ADAMTS14: variants seen among roughly 807,000 people sequenced by gnomAD.
The protein encoded by ADAMTS14 is ADAM metallopeptidase with thrombospondin type 1 motif 14.
ADAMTS14 carries 100 observed loss-of-function variants against 128.6 expected under a neutral mutation model. The ratio of observed to expected loss-of-function variants is 0.78; its 90% CI spans 0.66 to 0.92. ADAMTS14 has a LOEUF of 0.92. ADAMTS14 is among the 40% of genes least tolerant of loss of function. The pLI is 0.00. For synonymous variants in ADAMTS14, 665 were observed against 653.8 expected, an observed-to-expected ratio of 1.02 and a Z score of -0.26; for missense variants, 1,562 against 1,658.6, an observed-to-expected ratio of 0.94 and a Z score of 1.01.
At chr10:70,697,462 G>T (rs1244799132) in intron 2 of ADAMTS14, among the ~76,000 whole-genome samples, 1 of 152,242 alleles carries the variant, frequency 6.6e-6, no homozygotes, top group Non-Finnish European at 1.5e-5. Context: ...GATCTCTTCT[G>T]TGCTCCTCTT....
chr10:70,757,344 C>T (rs1842500650), intron 19 of ADAMTS14, among the ~76,000 whole-genome samples: 1 of 152,128 alleles, frequency 6.6e-6, no homozygotes, highest in Non-Finnish European at 1.5e-5. Flanking sequence ...CTTCTGCAGG[C>T]CCATGTTTGG....
chr10:70,696,904 G>A (rs1379926936), intron 2 of ADAMTS14, among the ~76,000 whole-genome samples: 1 of 152,150 alleles, frequency 6.6e-6, no homozygotes, highest in Admixed American at 6.5e-5. Flanking sequence ...GGAATCTGGT[G>A]GAAGCCATTT....
At chr10:70,686,207 A>T (rs1839945332) in intron 2 of ADAMTS14, among the ~76,000 whole-genome samples, 1 of 151,040 alleles carries the variant, frequency 6.6e-6, no homozygotes, top group East Asian at 1.9e-4. Context: ...ATCGTTTGTT[A>T]GGACCAAGTT....
chr10:70,737,248 A>C (rs1026665910), intron 10 of ADAMTS14, among the ~76,000 whole-genome samples: 3 of 151,630 alleles, frequency 2.0e-5, no homozygotes, highest in Admixed American at 2.0e-4. Flanking sequence ...CCCCACACCA[A>C]CCTCCTTCAT....
intron 2 of ADAMTS14, among the ~76,000 whole-genome samples, chr10:70,689,141 A>C (rs977474489): frequency 7.0e-6 from 1 of 141,974 alleles, no homozygotes; most frequent in East Asian, 2.0e-4. Flanking sequence ...TGTCACTTCA[A>C]AATTCATAGT....
At position 70,749,803 on chromosome 10, in the gene ADAMTS14, C is replaced by T. The variant is rs756267465; in HGVS notation, c.2264-19C>T. 9 of 1,611,852 alleles carry T rather than the reference C, an allele frequency of 5.6e-6. No individual in the cohort carries two copies. The highest frequency in any genetic ancestry group is 7.6e-6 in the Non-Finnish European group (9 of 1,178,748). ...GAGAGGAGCAGAAATCTGTGTGACC[C>T]TCTCCCCCCACCGGTCAGTGGTGAA... On this transcript the variant is annotated intron_variant, in intron 15 of 21. Transcript: ENST00000373207.
intron 2 of ADAMTS14, among the ~76,000 whole-genome samples, chr10:70,689,388 C>A (rs1840116826): frequency 6.9e-6 from 1 of 144,926 alleles, no homozygotes; most frequent in Non-Finnish European, 1.6e-5. Context: ...AGGGATAGAG[C>A]ACCTGCCAAG....
rs1044378936 is a variant in ADAMTS14, at chr10:70,672,508, T to C, written c.-295T>C. Among the ~76,000 whole-genome samples the C allele has an allele frequency of 6.7e-6, 1 of 149,676 alleles. No homozygotes were observed. The highest frequency in any genetic ancestry group is 2.4e-5 in the African/African-American group (1 of 41,116). On this transcript the variant is annotated 5_prime_UTR_variant, in exon 1 of 22. Coordinates refer to ENST00000373207, the MANE Select transcript of ADAMTS14 (RefSeq NM_080722.4). The stretch of plus-strand genomic sequence containing the variant: ...CTCCCGCGGAGTCCCGGAGCGTCAC[T>C]GCGCGGGCGGGCTGACCGACCAGCC...
chr10:70,675,113 T>C, intron 2 of ADAMTS14, 118 bp downstream of exon 2: 6 of 1,277,000 alleles, frequency 4.7e-6, no homozygotes, highest in Non-Finnish European at 6.5e-6. Flanking sequence ...TGGTGCTGCC[T>C]TCCAGAGGGA....
chr10:70,697,108 T>C (rs1840352080), intron 2 of ADAMTS14, among the ~76,000 whole-genome samples: 1 of 152,188 alleles, frequency 6.6e-6, no homozygotes, highest in Admixed American at 6.5e-5. Context: ...TGCACTCTCC[T>C]TGGGAGGTGA....
At chr10:70,698,779 T>A (rs1304849206) in intron 2 of ADAMTS14, among the ~76,000 whole-genome samples, 2 of 152,192 alleles carry the variant, frequency 1.3e-5, no homozygotes, top group Admixed American at 1.3e-4. Context: ...AACAGTTTAC[T>A]GGGATGGGGA....
In ADAMTS14 at chr10:70,741,181, C is replaced by A. The variant is rs1554822049; in HGVS notation, c.1924+19C>A. 1.9e-6 allele frequency: 3 copies of A among 1,609,680 alleles called. No homozygotes were observed. The highest frequency in any genetic ancestry group is 3.3e-5 in the Admixed American group (2 of 59,928). ...GACGATGGTGAGTGGGCCCCACCCCCCTCCCACTCCATGTCCTTAGGCATC... is the reference window on the plus strand; with the variant it reads ...GACGATGGTGAGTGGGCCCCACCCCACTCCCACTCCATGTCCTTAGGCATC... On this transcript the variant is annotated intron_variant, in intron 12 of 21. Coordinates refer to ENST00000373207, the MANE Select transcript of ADAMTS14 (RefSeq NM_080722.4).
chr10:70,731,719 G>T (rs1589310999), intron 6 of ADAMTS14, among the ~76,000 whole-genome samples: 1 of 151,916 alleles, frequency 6.6e-6, no homozygotes, highest in Non-Finnish European at 1.5e-5. Context: ...CAGCTCCCCC[G>T]CTGCACCCTG....
At position 70,747,918 on chromosome 10, in the gene ADAMTS14, C is replaced by A. The variant is rs147448530; in HGVS notation, c.2264-1904C>A. Among the ~76,000 whole-genome samples, 503 of 151,954 alleles carry A rather than the reference C, an allele frequency of 3.3e-3. 2 individuals carry two copies. The highest frequency in any genetic ancestry group is 0.012 in the African/African-American group (482 of 41,440). On this transcript the variant is annotated intron_variant, in intron 15 of 21. Transcript: ENST00000373207. ...CATGCACGTGTAGGGGTGTGTGTAC[C>A]CAACAGGATATGTAGAGGCCCAGGA...
At chr10:70,734,059 AG>A in intron 8 of ADAMTS14, 31 bp downstream of exon 8, 1 of 1,599,584 alleles carries the variant, frequency 6.3e-7, no homozygotes, top group Non-Finnish European at 8.5e-7. Context: ...GAGCTGGGAT[AG>A]GGGAGCATGC....
chr10:70,683,466 C>T (rs1008180005), intron 2 of ADAMTS14, among the ~76,000 whole-genome samples: 2 of 152,164 alleles, frequency 1.3e-5, no homozygotes, highest in Non-Finnish European at 1.5e-5. Context: ...GTCACTGCTT[C>T]GTGATTGGGG....
At chr10:70,740,863 T>G in intron 11 of ADAMTS14, 124 bp from the exon 12 acceptor site, 2 of 993,964 alleles carry the variant, frequency 2.0e-6, no homozygotes, top group South Asian at 3.2e-5. Flanking sequence ...CTGGTTTATG[T>G]CAGTGGAGGC....
chr10:70,751,723 G>A (rs990216568), intron 17 of ADAMTS14, 77 bp downstream of exon 17: 8 of 1,531,404 alleles, frequency 5.2e-6, no homozygotes, highest in South Asian at 2.3e-5. Flanking sequence ...GGGGACTGAT[G>A]TTGTCTCCAT....
At position 70,744,109 on chromosome 10, in the gene ADAMTS14, A is replaced by T. The variant is rs1370531165; in HGVS notation, c.2102A>T (p.Asp701Val). ...GAGGTGGGGTCCATGAAGGCGGATG[A>T]CAAGTGTGGAGTCTGCGGGGGTGAC... Reference protein sequence around the residue: ...DKEVGSMKADDKCGVCGGDNS... With the variant: ...DKEVGSMKADVKCGVCGGDNS... Residue 701 changes from aspartate to valine, a missense_variant, in exon 14 of 22, where the codon GAC becomes GTC. Transcript: ENST00000373207. 2 of 1,565,570 alleles carry T rather than the reference A, an allele frequency of 1.3e-6. No individual in the cohort carries two copies. The highest frequency in any genetic ancestry group is 1.7e-6 in the Non-Finnish European group (2 of 1,155,188).
Sources: allele counts gnomAD v4.1 joint callset (sites outside exome capture counted in the v4.1 genomes callset), GRCh38; gene constraint gnomAD v4.1.1; transcripts MANE v1.5; gene names NCBI Gene and HGNC (gene_info 2026-07-23, HGNC 2026-07-21).